SLC44A5: variants seen among roughly 807,000 people sequenced by gnomAD.
SLC44A5 encodes the protein solute carrier family 44 member 5, also known as choline transporter-like protein 5.
Under a neutral mutation model 101.8 loss-of-function variants are expected in SLC44A5, and 57 were observed. That is an observed-to-expected ratio of 0.56 (90% CI 0.45 to 0.70). The LOEUF (loss-of-function observed/expected upper bound fraction) is 0.70. Ranked by LOEUF, SLC44A5 falls within the 30% of genes least tolerant of loss-of-function variation. The pLI, the probability that SLC44A5 is intolerant of heterozygous loss-of-function variation, is 0.00. For missense variants in SLC44A5, 737 were observed against 853.1 expected (o/e 0.86, Z 1.70); for synonymous variants, 281 against 290.9 (o/e 0.97, Z 0.35).
chr1:75,247,931 G>C (rs1351098501), intron 7 of SLC44A5, among the ~76,000 whole-genome samples: 1 of 152,068 alleles, frequency 6.6e-6, no homozygotes, highest in Non-Finnish European at 1.5e-5. Flanking sequence ...AAAAATAAAA[G>C]AGGCACAGAG....
intron 2 of SLC44A5, among the ~76,000 whole-genome samples, chr1:75,397,359 T>TTGCTCTTTTCAA (rs1253146896): frequency 6.6e-6 from 1 of 152,168 alleles, no homozygotes; most frequent in Non-Finnish European, 1.5e-5. Context: ...AACTCATTAA[T>TTGCTCTTTTCAA]TAGAGCTATT....
At chr1:75,291,774 G>A (rs899104267) in intron 5 of SLC44A5, among the ~76,000 whole-genome samples, 1 of 152,100 alleles carries the variant, frequency 6.6e-6, no homozygotes, top group African/African-American at 2.4e-5. Context: ...CACTTTGGGA[G>A]GCCAAGGCGG....
intron 2 of SLC44A5, among the ~76,000 whole-genome samples, chr1:75,449,769 G>A (rs532147906): frequency 7.9e-5 from 12 of 152,204 alleles, no homozygotes; most frequent in Admixed American, 4.6e-4. Context: ...TTGGGAGGCC[G>A]AGAAGGGCGG....
intron 1 of SLC44A5, among the ~76,000 whole-genome samples, chr1:75,603,068 T>C (rs574712697): frequency 9.2e-5 from 14 of 152,218 alleles, no homozygotes; most frequent in African/African-American, 3.1e-4. Flanking sequence ...TGGAGTACAG[T>C]TGATCCTGTC....
the SLC44A5 span, among the ~76,000 whole-genome samples, chr1:75,660,021 C>T: frequency 3.3e-5 from 5 of 151,990 alleles, no homozygotes; most frequent in South Asian, 4.1e-4. Flanking sequence ...CTGGGAAACA[C>T]GGTGAAGCCC....
intron 2 of SLC44A5, among the ~76,000 whole-genome samples, chr1:75,497,719 TTGTATA>T (rs1177617963): frequency 1.3e-5 from 2 of 152,138 alleles, no homozygotes; most frequent in Non-Finnish European, 2.9e-5. Context: ...TCAGTTTCTT[TTGTATA>T]TGTATATCAA....
the SLC44A5 span, among the ~76,000 whole-genome samples, chr1:75,681,830 A>C: frequency 2.0e-5 from 3 of 152,184 alleles, no homozygotes. Flanking sequence ...CCCTGTTTGC[A>C]GATGACATGA....
At chr1:75,504,951 G>A (rs1485804813) in intron 2 of SLC44A5, among the ~76,000 whole-genome samples, 5 of 152,056 alleles carry the variant, frequency 3.3e-5, no homozygotes, top group African/African-American at 1.2e-4. Flanking sequence ...CATCCAAATA[G>A]TGAGCACAGT....
chr1:75,682,291 T>C, the SLC44A5 span, among the ~76,000 whole-genome samples: 11 of 152,016 alleles, frequency 7.2e-5, no homozygotes, highest in Non-Finnish European at 1.5e-4. Context: ...GAGCCCGCAT[T>C]GCCAAGTCAA....
intron 6 of SLC44A5, among the ~76,000 whole-genome samples, chr1:75,256,073 G>C (rs952858061): frequency 3.3e-5 from 5 of 151,986 alleles, no homozygotes; most frequent in African/African-American, 1.2e-4. Context: ...TGGGATATAG[G>C]AAACAATAAA....
the SLC44A5 span, among the ~76,000 whole-genome samples, chr1:75,698,559 A>C: frequency 6.6e-6 from 1 of 152,248 alleles, no homozygotes; most frequent in East Asian, 1.9e-4. Flanking sequence ...CGGAAAAAAC[A>C]GAGCAGAAAA....
At chr1:75,394,982 T>C (rs1289926767) in intron 3 of SLC44A5, among the ~76,000 whole-genome samples, 1 of 152,062 alleles carries the variant, frequency 6.6e-6, no homozygotes, top group Non-Finnish European at 1.5e-5. Context: ...TAATACCTTG[T>C]CTGGGAGAAT....
In SLC44A5 at chr1:75,525,883, G is replaced by A. The variant is rs899001469; in HGVS notation, c.13+15552C>T. On this transcript the variant is annotated intron_variant, in intron 2 of 23. Transcript: ENST00000370859. ...TAAATATGGCAAAACATGAATAACCGCTGAACGAAGGTAATGAGTATACAA... is the reference window on the plus strand; with the variant it reads ...TAAATATGGCAAAACATGAATAACCACTGAACGAAGGTAATGAGTATACAA... Among the ~76,000 whole-genome samples the A allele has an allele frequency of 1.1e-4, 17 of 152,224 alleles. 1 individual carries two copies. The highest frequency in any genetic ancestry group is 2.9e-4 in the African/African-American group (12 of 41,530).
intron 3 of SLC44A5, among the ~76,000 whole-genome samples, chr1:75,374,940 T>C (rs894459341): frequency 2.6e-5 from 4 of 152,184 alleles, no homozygotes; most frequent in African/African-American, 7.2e-5. Context: ...ACTCTAGCAA[T>C]TTAAAAAGTC....
the SLC44A5 span, among the ~76,000 whole-genome samples, chr1:75,650,761 A>T: frequency 0.034 from 5,131 of 152,038 alleles, 299 homozygotes; most frequent in African/African-American, 0.12. Context: ...CTGGGACCAT[A>T]GGCATGTGCC....
At chr1:75,476,850 T>C (rs564164981) in intron 2 of SLC44A5, among the ~76,000 whole-genome samples, 42 of 152,362 alleles carry the variant, frequency 2.8e-4, no homozygotes, top group African/African-American at 9.9e-4. Context: ...AAGACAGCAG[T>C]AACCTCTGCA....
rs75250148 is a variant in SLC44A5 at position 75,225,268 on chromosome 1, T to C, written c.985+2458A>G. 4.5e-3 allele frequency among the ~76,000 whole-genome samples: 690 copies of C among 152,340 alleles called. 5 individuals carry two copies. The highest frequency in any genetic ancestry group is 0.016 in the African/African-American group (649 of 41,588). On this transcript the variant is annotated intron_variant, in intron 13 of 23. Transcript: ENST00000370859. ...TAACATGCTGTATGGGTTTGTAGACTAGGAGCAATAGGCCATTACGTGTAG... is the reference window on the plus strand; with the variant it reads ...TAACATGCTGTATGGGTTTGTAGACCAGGAGCAATAGGCCATTACGTGTAG...
intron 6 of SLC44A5, among the ~76,000 whole-genome samples, chr1:75,257,568 CT>C (rs1186113541): frequency 1.3e-5 from 2 of 152,092 alleles, no homozygotes; most frequent in Non-Finnish European, 2.9e-5. Context: ...TGAGAGACCC[CT>C]AGTGGTCCAC....
the SLC44A5 span, among the ~76,000 whole-genome samples, chr1:75,656,518 A>C: frequency 6.6e-6 from 1 of 152,218 alleles, no homozygotes; most frequent in Non-Finnish European, 1.5e-5. Flanking sequence ...AAGTAGAGGA[A>C]TGAAGTTAAA....
Sources: gnomAD v4.1 joint callset for allele counts (sites outside exome capture counted in the v4.1 genomes callset) on GRCh38, gnomAD v4.1.1 for gene constraint, MANE v1.5 for transcripts, NCBI Gene and HGNC (gene_info 2026-07-23, HGNC 2026-07-21) for gene names.